The following EIF3A variants were observed in gnomAD, a reference collection of about 807,000 sequenced individuals.
The protein encoded by EIF3A is eukaryotic translation initiation factor 3 subunit A.
Under a neutral mutation model 186.6 loss-of-function variants are expected in EIF3A, and 21 were observed. That is an observed-to-expected ratio of 0.11 (90% CI 0.08 to 0.16). The LOEUF (loss-of-function observed/expected upper bound fraction) is 0.16. Among genes scored for constraint, EIF3A ranks in the 10% least tolerant of loss-of-function variants. The pLI, the probability that EIF3A is intolerant of heterozygous loss-of-function variation, is 1.00. For synonymous variants in EIF3A, 563 were observed against 584.3 expected (o/e 0.96, Z 0.52); for missense variants, 1,306 against 1,796.3 (o/e 0.73, Z 4.93).
At chr10:119,057,130 T>C (rs941367379) in intron 12 of EIF3A, 90 bp from the exon 13 acceptor site, 10 of 704,084 alleles carry the variant, frequency 1.4e-5, no homozygotes, top group East Asian at 2.6e-5. Flanking sequence ...AAATCCTACA[T>C]TGCTTTTATT....
chr10:119,074,552 T>G (rs1589697166), intron 1 of EIF3A, among the ~76,000 whole-genome samples: 1 of 152,014 alleles, frequency 6.6e-6, no homozygotes, highest in South Asian at 2.1e-4. Flanking sequence ...AAAGTGGGTG[T>G]GGTGTCAATG....
rs112587890 is a variant in EIF3A at position 119,058,713 on chromosome 10, T to G, written c.1630-410A>C. ...GCATGGCCAACATGGTGAAACCCCA[T>G]CTCTACTAAAAATACAAAACATTAG... On this transcript the variant is annotated intron_variant, in intron 11 of 21. Coordinates refer to ENST00000369144, the MANE Select transcript of EIF3A (RefSeq NM_003750.4). Among the ~76,000 whole-genome samples the G allele has an allele frequency of 9.2e-5, 14 of 152,306 alleles. 1 individual carries two copies. The highest frequency in any genetic ancestry group is 3.4e-4 in the African/African-American group (14 of 41,560).
At chr10:119,063,233 G>A (rs985956635) in intron 7 of EIF3A, among the ~76,000 whole-genome samples, 4 of 152,096 alleles carry the variant, frequency 2.6e-5, no homozygotes, top group African/African-American at 9.7e-5. Context: ...TAAACAGAAA[G>A]TTGAACTCTG....
At position 119,069,313 on chromosome 10, in the gene EIF3A, A is replaced by G. The variant is rs957018373; in HGVS notation, c.950+133T>C. 9 of 623,712 alleles carry G rather than the reference A, an allele frequency of 1.4e-5. No individual in the cohort carries two copies. The African/African-American group carries it at 1.6e-4, about 11-fold the overall frequency. 38.6% of individuals were successfully genotyped at this position (623,712 alleles called of 1,614,324 possible). ...CACCTGCAGTACACAAGACAGCCCC[A>G]TGACTAAGAATTATCCAACCCAAAA... On this transcript the variant is annotated intron_variant, in intron 6 of 21. Transcript: ENST00000369144.
chr10:119,080,532 C>A, intron 1 of EIF3A, 96 bp downstream of exon 1: 1 of 1,443,460 alleles, frequency 6.9e-7, no homozygotes, highest in Non-Finnish European at 9.0e-7. Flanking sequence ...TCTCCCCGCG[C>A]GGGCCGGGCG....
intron 1 of EIF3A, among the ~76,000 whole-genome samples, chr10:119,077,150 C>G (rs998274219): frequency 2.6e-5 from 4 of 152,138 alleles, no homozygotes; most frequent in African/African-American, 9.7e-5. Context: ...CCATTTTTCA[C>G]TTCCTGAACA....
intron 4 of EIF3A, among the ~76,000 whole-genome samples, chr10:119,071,924 C>T (rs1844077793): frequency 7.0e-6 from 1 of 142,442 alleles, no homozygotes; most frequent in African/African-American, 2.6e-5. Context: ...GTTGGGAAGA[C>T]TGAGGGAGAA....
At chr10:119,051,441 TA>T (rs1848355107) in intron 14 of EIF3A, 120 bp from the exon 15 acceptor site, 7 of 1,033,470 alleles carry the variant, frequency 6.8e-6, no homozygotes, top group Non-Finnish European at 9.4e-6. Flanking sequence ...TGTCATGCCA[TA>T]AAAATGAAAA....
intron 7 of EIF3A, among the ~76,000 whole-genome samples, chr10:119,064,351 C>T (rs1198056920): frequency 3.3e-5 from 5 of 152,144 alleles, no homozygotes; most frequent in Admixed American, 3.3e-4. Context: ...GATCTGTGTA[C>T]CCACCCAAAT....
At chr10:119,060,116 AAGC>A in intron 9 of EIF3A, 2 of 506,574 alleles carry the variant, frequency 3.9e-6, no homozygotes, top group South Asian at 2.9e-5. Flanking sequence ...ACATAAAAGA[AAGC>A]AGGTCAATGA....
Position 119,034,941 on chromosome 10 carries a change from A to G in EIF3A, c.*1098T>C, listed in dbSNP as rs1848108215. ...ATTTTCATTGATACTAAACACAGAC[A>G]TTTAATGGCACTGATAAAAATTCAA... On this transcript the variant is annotated 3_prime_UTR_variant, in exon 22 of 22. Transcript: ENST00000369144. 6.6e-6 allele frequency: 1 copy of G among 152,600 alleles called. No individual in the cohort carries two copies. The highest frequency in any genetic ancestry group is 2.4e-5 in the African/African-American group (1 of 41,450). 9.5% of individuals were successfully genotyped at this position (152,600 alleles called of 1,614,324 possible).
chr10:119,059,982 C>A (rs1280826014), intron 9 of EIF3A: 1 of 531,022 alleles, frequency 1.9e-6, no homozygotes, highest in Non-Finnish European at 3.5e-6. Flanking sequence ...TGCTACTTAC[C>A]GAATATATTT....
Position 119,042,063 on chromosome 10 carries a change from C to G in EIF3A, c.3457G>C (p.Asp1153His), listed in dbSNP as rs1395512633. Residue 1153 changes from aspartate (D) to histidine (H), a missense_variant, in exon 19 of 22, where the codon GAT becomes CAT. Asp to His is a moderately conservative substitution (Grantham distance 81, BLOSUM62 -1). Coordinates refer to ENST00000369144, the MANE Select transcript of EIF3A (RefSeq NM_003750.4). The surrounding 1 kb of genome is among the most constrained non-coding windows in gnomAD (Gnocchi z 7.8). ...MDDDRLSRRA[D>H]DDRFPRRGDD... ...CCCCGTCTGGGAAACCGATCATCATCAGCACGTCTTGAAAGGCGATCATCA... is the reference window on the plus strand; with the variant it reads ...CCCCGTCTGGGAAACCGATCATCATGAGCACGTCTTGAAAGGCGATCATCA... 2.5e-6 allele frequency: 4 copies of G among 1,614,078 alleles called. No homozygotes were observed. The highest frequency in any genetic ancestry group is 2.5e-6 in the Non-Finnish European group (3 of 1,180,014).
chr10:119,063,451 ATAG>A (rs1843922237), intron 7 of EIF3A, among the ~76,000 whole-genome samples: 1 of 152,224 alleles, frequency 6.6e-6, no homozygotes, highest in Non-Finnish European at 1.5e-5. Flanking sequence ...CAGAGTGAAT[ATAG>A]GTGTTTCCTC....
chr10:119,068,478 C>A (rs1844015009), intron 6 of EIF3A, among the ~76,000 whole-genome samples: 1 of 151,678 alleles, frequency 6.6e-6, no homozygotes, highest in Non-Finnish European at 1.5e-5. Flanking sequence ...AGTTCGAGGA[C>A]AGCCTGGCCA....
intron 18 of EIF3A, 49 bp downstream of exon 18, chr10:119,044,005 A>C: frequency 6.8e-6 from 9 of 1,323,338 alleles, no homozygotes; most frequent in Non-Finnish European, 9.8e-6. Flanking sequence ...ACCACTGATA[A>C]GATATTAACA....
intron 17 of EIF3A, among the ~76,000 whole-genome samples, chr10:119,048,445 A>G (rs1177524383): frequency 6.6e-6 from 1 of 152,212 alleles, no homozygotes; most frequent in Non-Finnish European, 1.5e-5. Flanking sequence ...ATGGGAACAC[A>G]GGTCCGTTTT....
At chr10:119,072,661 G>A (rs1182659255) in intron 4 of EIF3A, among the ~76,000 whole-genome samples, 4 of 152,084 alleles carry the variant, frequency 2.6e-5, no homozygotes, top group African/African-American at 9.7e-5. Flanking sequence ...CACCATGTTG[G>A]CCAGGCCGCT....
chr10:119,059,055 T>C (rs760623454), intron 11 of EIF3A, among the ~76,000 whole-genome samples, 157 bp downstream of exon 11: 3 of 152,252 alleles, frequency 2.0e-5, no homozygotes, highest in Non-Finnish European at 2.9e-5. Context: ...ATTTGTGTAT[T>C]TGATCAAATA....
Sources: allele counts gnomAD v4.1 joint callset (sites outside exome capture counted in the v4.1 genomes callset), GRCh38; gene constraint gnomAD v4.1.1; non-coding constraint Gnocchi (gnomAD v3.1); transcripts MANE v1.5; gene names NCBI Gene and HGNC (gene_info 2026-07-23, HGNC 2026-07-21).